MYL11: variants seen among roughly 807,000 people sequenced by gnomAD.
MYL11 encodes myosin light chain 11.
the MYL11 span, chr16:30,372,968 C>G: frequency 6.6e-6 from 1 of 152,596 alleles, no homozygotes; most frequent in African/African-American, 2.4e-5. Flanking sequence ...TCCCATACTC[C>G]TAGACAGGGC....
the MYL11 span, among the ~76,000 whole-genome samples, chr16:30,376,940 C>T: frequency 2.0e-5 from 3 of 152,182 alleles, no homozygotes; most frequent in Non-Finnish European, 4.4e-5. Context: ...TGGCCGGGCA[C>T]AGTGGCTCAT....
chr16:30,373,188 C>T, the MYL11 span, among the ~76,000 whole-genome samples: 34 of 152,210 alleles, frequency 2.2e-4, no homozygotes, highest in African/African-American at 6.8e-4. Flanking sequence ...GTGGCTCATG[C>T]CTGTAATCCC....
chr16:30,377,042 G>T, the MYL11 span, among the ~76,000 whole-genome samples: 1 of 152,060 alleles, frequency 6.6e-6, no homozygotes, highest in African/African-American at 2.4e-5. Flanking sequence ...GTGAAACCCC[G>T]TCTCTACTAA....
chr16:30,375,777 G>A, the MYL11 span: 1,413 of 1,524,344 alleles, frequency 9.3e-4, 5 homozygotes, highest in Non-Finnish European at 5.1e-4. Flanking sequence ...GAGAGGTGGA[G>A]GGACTGGTCC....
the MYL11 span, chr16:30,375,919 G>A: frequency 6.2e-7 from 1 of 1,613,536 alleles, no homozygotes; most frequent in Non-Finnish European, 8.5e-7. Flanking sequence ...AGAGGTGGGT[G>A]AGGGGACGGG....
At chr16:30,376,625 G>T in the MYL11 span, 1 of 1,614,082 alleles carries the variant, frequency 6.2e-7, no homozygotes, top group Non-Finnish European at 8.5e-7. Flanking sequence ...CACAGGTGCC[G>T]ACCCTGAGGA....
the MYL11 span, chr16:30,376,083 G>A: frequency 1.3e-6 from 2 of 1,570,200 alleles, no homozygotes; most frequent in Non-Finnish European, 1.7e-6. Context: ...GATCCTCCTG[G>A]GGTAGGGATG....
At chr16:30,376,584 G>A in the MYL11 span, 1 of 1,613,918 alleles carries the variant, frequency 6.2e-7, no homozygotes, top group East Asian at 2.2e-5. Flanking sequence ...ACCCTTCAGG[G>A]ACCCATCAGC....
At chr16:30,374,974 C>G in the MYL11 span, 14 of 1,347,752 alleles carry the variant, frequency 1.0e-5, no homozygotes, top group Non-Finnish European at 1.4e-5. Flanking sequence ...GGATGCTCAT[C>G]TCTTTCTCGG....
the MYL11 span, among the ~76,000 whole-genome samples, chr16:30,373,713 G>GATC: frequency 1.3e-5 from 2 of 148,204 alleles, no homozygotes; most frequent in South Asian, 4.2e-4. Flanking sequence ...AGTAAGCCGA[G>GATC]ATCGCACCAT....
chr16:30,375,947 C>T, the MYL11 span: 2 of 1,602,810 alleles, frequency 1.2e-6, no homozygotes, highest in Non-Finnish European at 1.7e-6. Context: ...GAAGGCTGAC[C>T]AAAAGCAGCC....
chr16:30,375,778 G>A, the MYL11 span: 2 of 1,525,272 alleles, frequency 1.3e-6, no homozygotes, highest in Non-Finnish European at 1.8e-6. Flanking sequence ...AGAGGTGGAG[G>A]GACTGGTCCA....
At chr16:30,373,153 A>C in the MYL11 span, 1 of 152,266 alleles carries the variant, frequency 6.6e-6, no homozygotes, top group South Asian at 2.1e-4. Flanking sequence ...ATCTTGCCTC[A>C]AAAAATCCCT....
the MYL11 span, chr16:30,377,892 C>T: frequency 6.2e-7 from 1 of 1,610,674 alleles, no homozygotes; most frequent in African/African-American, 1.3e-5. Flanking sequence ...CGCCAAGGAC[C>T]AGGAGTAGGG....
At chr16:30,376,504 C>G in the MYL11 span, 1 of 1,614,114 alleles carries the variant, frequency 6.2e-7, no homozygotes, top group Non-Finnish European at 8.5e-7. Context: ...GTCTTCCTGA[C>G]CATGTTCGGG....
At chr16:30,374,700 T>G in the MYL11 span, 1 of 817,450 alleles carries the variant, frequency 1.2e-6, no homozygotes, top group Non-Finnish European at 1.8e-6. Flanking sequence ...AGTTGGGCTA[T>G]TTTGGTATCT....
chr16:30,370,939 G>A, the MYL11 span: 1 of 152,338 alleles, frequency 6.6e-6, no homozygotes. Flanking sequence ...TGTCTATTTA[G>A]GCGGTGACAG....
At chr16:30,376,133 G>A in the MYL11 span, 1 of 1,612,878 alleles carries the variant, frequency 6.2e-7, no homozygotes, top group Non-Finnish European at 8.5e-7. Context: ...TCCCCACCAC[G>A]GCCCTCCCCA....
At chr16:30,374,992 G>A in the MYL11 span, 9 of 1,211,300 alleles carry the variant, frequency 7.4e-6, no homozygotes, top group Non-Finnish European at 5.7e-6. Flanking sequence ...CGGCATCACT[G>A]ATGGAAAACA....
Sources: gnomAD v4.1 joint callset for allele counts (sites outside exome capture counted in the v4.1 genomes callset) on GRCh38, gnomAD v4.1.1 for gene constraint, MANE v1.5 for transcripts, NCBI Gene and HGNC (gene_info 2026-07-23, HGNC 2026-07-21) for gene names.